The following TRAPPC3L variants were observed in gnomAD, a reference collection of about 807,000 sequenced individuals.
The protein encoded by TRAPPC3L is trafficking protein particle complex subunit 3L.
Under a neutral mutation model 23.7 loss-of-function variants are expected in TRAPPC3L, and 23 were observed. That is an observed-to-expected ratio of 0.97 (90% CI 0.70 to 1.37). TRAPPC3L has a LOEUF of 1.37. Ranked by LOEUF, TRAPPC3L falls within the 40% of genes most tolerant of loss-of-function variation. The probability of loss-of-function intolerance (pLI) is 0.00; values close to 1 mark genes in which losing one functional copy is unlikely to be tolerated. For missense variants in TRAPPC3L, 212 were observed against 216.8 expected (o/e 0.98, Z 0.14); for synonymous variants, 81 against 77.9 (o/e 1.04, Z -0.21).
intron 3 of TRAPPC3L, among the ~76,000 whole-genome samples, chr6:116,505,956 G>A (rs527770553): frequency 6.6e-6 from 1 of 152,246 alleles, no homozygotes; most frequent in East Asian, 1.9e-4. Context: ...ACATAGGCAT[G>A]GGCAAAGACT....
At chr6:116,511,782 G>C in intron 3 of TRAPPC3L, 1 of 1,614,054 alleles carries the variant, frequency 6.2e-7, no homozygotes, top group South Asian at 1.1e-5. Context: ...CTGACCGTGG[G>C]AAGTGAGCGT....
At chr6:116,505,966 T>C (rs144872030) in intron 3 of TRAPPC3L, among the ~76,000 whole-genome samples, 3,843 of 152,180 alleles carry the variant, frequency 0.025, 74 homozygotes, top group Middle Eastern at 0.095. Context: ...GGGCAAAGAC[T>C]TCATGACTAA....
intron 3 of TRAPPC3L, among the ~76,000 whole-genome samples, chr6:116,532,044 A>G (rs1286249488): frequency 6.6e-6 from 1 of 152,144 alleles, no homozygotes; most frequent in Non-Finnish European, 1.5e-5. Flanking sequence ...TGGATTTGTT[A>G]TTGTGAACAA....
intron 2 of TRAPPC3L, among the ~76,000 whole-genome samples, chr6:116,542,298 CA>C (rs548026128): frequency 1.1e-4 from 17 of 149,574 alleles, no homozygotes; most frequent in South Asian, 1.0e-3. Context: ...GTAGAAATTC[CA>C]AAAAAAAGTC....
chr6:116,545,089 A>G (rs1773694871), intron 1 of TRAPPC3L, among the ~76,000 whole-genome samples: 1 of 151,234 alleles, frequency 6.6e-6, no homozygotes, highest in Non-Finnish European at 1.5e-5. Flanking sequence ...ACACATAATC[A>G]ACTATATATA....
In TRAPPC3L at chr6:116,530,942, T is replaced by TATATATAC. The variant is rs1327783259; in HGVS notation, c.240+9420_240+9421insGTATATAT. 1.3e-4 allele frequency among the ~76,000 whole-genome samples: 18 copies of TATATATAC among 137,304 alleles called. 1 individual carries two copies. Among genetic ancestry groups the TATATATAC allele is most frequent in the African/African-American group, 4.8e-4 (18 of 37,522 alleles). 90.1% of individuals were successfully genotyped at this position (137,304 alleles called of 152,430 possible). ...ATATATATATATATATATATATATA[T>TATATATAC]ATGTTACTAATTTCCTAGACAAGAA... On this transcript the variant is annotated intron_variant, in intron 3 of 4. Transcript: ENST00000368602.
intron 3 of TRAPPC3L, among the ~76,000 whole-genome samples, chr6:116,514,880 T>C (rs1009090807): frequency 2.6e-5 from 4 of 152,230 alleles, no homozygotes; most frequent in Non-Finnish European, 5.9e-5. Context: ...TTTCCAAACA[T>C]AAAATTAATT....
chr6:116,515,829 C>T lies in TRAPPC3L; in HGVS notation c.241-15163G>A. 2 of 1,613,986 alleles carry T rather than the reference C, an allele frequency of 1.2e-6. No homozygotes were observed. Among genetic ancestry groups the T allele is most frequent in the South Asian group, 2.2e-5 (2 of 91,078 alleles). ...AAGAGGCCAGATCCTTTTCCCATGC[C>T]TACGTTTGCTGCCTGGGAGGCTGCT... On this transcript the variant is annotated intron_variant, in intron 3 of 4. Coordinates refer to ENST00000368602, the MANE Select transcript of TRAPPC3L (RefSeq NM_001139444.3).
In TRAPPC3L at chr6:116,497,058, CA is replaced by C; in HGVS notation, c.441del (p.Asp148MetfsTer9). On this transcript the variant is annotated frameshift_variant, in exon 5 of 5. Coordinates refer to ENST00000368602, the MANE Select transcript of TRAPPC3L (RefSeq NM_001139444.3). LOFTEE classifies it high-confidence loss of function. Reference protein sequence around the residue: ...RGALEMVHLAADVTFLQDRLK... With the variant: ...RGALEMVHLAXDVTFLQDRLK... ...AGTCTGTCTTGCAAGAATGTAACAT[CA>C]GCCGCCAAATGAACCTAGGAAAGAA... The C allele has an allele frequency of 6.5e-7, 1 of 1,540,774 alleles. No individual in the cohort carries two copies. Among genetic ancestry groups the C allele is most frequent in the Non-Finnish European group, 8.7e-7 (1 of 1,143,602 alleles).
At chr6:116,510,331 G>A (rs1772088750) in intron 3 of TRAPPC3L, among the ~76,000 whole-genome samples, 1 of 152,122 alleles carries the variant, frequency 6.6e-6, no homozygotes, top group African/African-American at 2.4e-5. Flanking sequence ...CACCCAGACT[G>A]GAATGCAGTG....
chr6:116,505,081 T>C (rs1355320170), intron 3 of TRAPPC3L, among the ~76,000 whole-genome samples: 1 of 152,114 alleles, frequency 6.6e-6, no homozygotes, highest in African/African-American at 2.4e-5. Context: ...TCAAATTGTC[T>C]CTGTTTGCAG....
At chr6:116,515,619 T>C in intron 3 of TRAPPC3L, 1 of 1,611,554 alleles carries the variant, frequency 6.2e-7, no homozygotes, top group Non-Finnish European at 8.5e-7. Context: ...TGGTGCCTGA[T>C]TTGTTCAGCG....
At chr6:116,543,505 T>C (rs945295435) in intron 1 of TRAPPC3L, 105 bp from the exon 2 acceptor site, 5 of 947,844 alleles carry the variant, frequency 5.3e-6, no homozygotes, top group Non-Finnish European at 7.8e-6. Context: ...AGAAGTCACC[T>C]GTACATTTTT....
At chr6:116,528,211 G>C (rs1772506147) in intron 3 of TRAPPC3L, among the ~76,000 whole-genome samples, 3 of 152,166 alleles carry the variant, frequency 2.0e-5, no homozygotes, top group African/African-American at 7.2e-5. Flanking sequence ...AAAGTTTAAG[G>C]GTAATTCCTC....
chr6:116,532,609 A>T (rs1372591256), intron 3 of TRAPPC3L, among the ~76,000 whole-genome samples: 2 of 152,256 alleles, frequency 1.3e-5, no homozygotes, highest in Non-Finnish European at 2.9e-5. Flanking sequence ...AAAATTTACT[A>T]GTATTATCAT....
At chr6:116,519,029 A>G (rs1394357550) in intron 3 of TRAPPC3L, 1 of 152,274 alleles carries the variant, frequency 6.6e-6, no homozygotes, top group East Asian at 1.9e-4. Context: ...GAGGCAGTGG[A>G]GTAAGATAGG....
intron 3 of TRAPPC3L, among the ~76,000 whole-genome samples, chr6:116,533,677 C>T (rs1483292071): frequency 6.6e-6 from 1 of 152,234 alleles, no homozygotes; most frequent in African/African-American, 2.4e-5. Flanking sequence ...ACTTGTAACG[C>T]TAGAGCTCCA....
chr6:116,499,212 T>C (rs767304751), intron 4 of TRAPPC3L, among the ~76,000 whole-genome samples: 18 of 152,344 alleles, frequency 1.2e-4, no homozygotes, highest in Non-Finnish European at 2.5e-4. Flanking sequence ...TTTCATTCCT[T>C]TCAGCCAGTT....
intron 3 of TRAPPC3L, among the ~76,000 whole-genome samples, chr6:116,514,601 A>T (rs1314221701): frequency 6.6e-6 from 1 of 152,180 alleles, no homozygotes; most frequent in Non-Finnish European, 1.5e-5. Context: ...TAAAAAGAAT[A>T]CGCATAGTAA....
Sources: allele counts gnomAD v4.1 joint callset (sites outside exome capture counted in the v4.1 genomes callset), GRCh38; gene constraint gnomAD v4.1.1; transcripts MANE v1.5; gene names NCBI Gene and HGNC (gene_info 2026-07-23, HGNC 2026-07-21).